The following MACROD2 variants were observed in gnomAD, a reference collection of about 807,000 sequenced individuals.
The protein encoded by MACROD2 is ADP-ribose glycohydrolase MACROD2.
Under a neutral mutation model 70.4 loss-of-function variants are expected in MACROD2, and 36 were observed. The ratio of observed to expected loss-of-function variants is 0.51; its 90% CI spans 0.39 to 0.68. The LOEUF (loss-of-function observed/expected upper bound fraction) is 0.68. Among genes scored for constraint, MACROD2 ranks in the 30% least tolerant of loss-of-function variants. The probability of loss-of-function intolerance (pLI) is 0.00; values close to 1 mark genes in which losing one functional copy is unlikely to be tolerated. For synonymous variants in MACROD2, 172 were observed against 178.8 expected, an observed-to-expected ratio of 0.96 and a Z score of 0.30; for missense variants, 496 against 538.4, an observed-to-expected ratio of 0.92 and a Z score of 0.78.
chr20:15,566,822 C>A (rs988420599), intron 8 of MACROD2, among the ~76,000 whole-genome samples: 16 of 152,178 alleles, frequency 1.1e-4, no homozygotes, highest in Non-Finnish European at 2.2e-4. Context: ...CCAAGTAGTT[C>A]TTTTCCAATT....
At chr20:14,950,119 C>T (rs1006117390) in intron 5 of MACROD2, among the ~76,000 whole-genome samples, 7 of 152,108 alleles carry the variant, frequency 4.6e-5, no homozygotes, top group Non-Finnish European at 5.9e-5. Context: ...GTTTTAACTT[C>T]TGAAAAATCT....
intron 5 of MACROD2, among the ~76,000 whole-genome samples, chr20:14,705,482 C>T (rs2071258352): frequency 6.6e-6 from 1 of 152,132 alleles, no homozygotes; most frequent in Non-Finnish European, 1.5e-5. Context: ...TGGATGCCAG[C>T]CATCTCTTCT....
At chr20:15,357,481 A>T (rs1379673659) in intron 6 of MACROD2, among the ~76,000 whole-genome samples, 1 of 152,074 alleles carries the variant, frequency 6.6e-6, no homozygotes, top group East Asian at 1.9e-4. Context: ...CAATTTTTAA[A>T]TTTTTCTTCA....
At chr20:15,114,328 G>C (rs1291291255) in intron 5 of MACROD2, among the ~76,000 whole-genome samples, 1 of 152,194 alleles carries the variant, frequency 6.6e-6, no homozygotes, top group East Asian at 1.9e-4. Flanking sequence ...TCATGGGATA[G>C]TCACTCTTGA....
chr20:15,656,233 G>C (rs2049728447), intron 8 of MACROD2, among the ~76,000 whole-genome samples: 1 of 152,176 alleles, frequency 6.6e-6, no homozygotes, highest in Admixed American at 6.5e-5. Flanking sequence ...GAGGCAGAAT[G>C]CTTCTCCTTT....
Position 16,049,905 on chromosome 20 carries a change from G to C in MACROD2, c.*29G>C. 4 of 1,600,940 alleles carry C rather than the reference G, an allele frequency of 2.5e-6. No individual in the cohort carries two copies. The highest frequency in any genetic ancestry group is 1.7e-6 in the Non-Finnish European group (2 of 1,172,164). ...TCCTCAGCATCGCAAGGCCTCTCCT[G>C]GCTCTGGGGGAGCTCGGGAAGATAG... On this transcript the variant is annotated 3_prime_UTR_variant, in exon 18 of 18. Coordinates refer to ENST00000684519, the MANE Select transcript of MACROD2 (RefSeq NM_001351661.2).
intron 8 of MACROD2, among the ~76,000 whole-genome samples, chr20:15,834,164 CG>C (rs1787807418): frequency 6.6e-6 from 1 of 152,086 alleles, no homozygotes; most frequent in South Asian, 2.1e-4. Context: ...CAGAATTACT[CG>C]TTGTTATTTA....
intron 6 of MACROD2, among the ~76,000 whole-genome samples, chr20:15,346,637 G>A (rs561715757): frequency 1.3e-5 from 2 of 152,094 alleles, no homozygotes; most frequent in South Asian, 2.1e-4. Context: ...TTCTCTTTGT[G>A]TTTTTAGCAA....
intron 4 of MACROD2, among the ~76,000 whole-genome samples, chr20:14,555,304 A>G (rs1181322690): frequency 1.3e-5 from 2 of 152,066 alleles, no homozygotes; most frequent in African/African-American, 2.4e-5. Context: ...CCCAAATTCT[A>G]GTAGTAGAAT....
At chr20:15,448,765 AAGTTAG>A (rs1600425775) in intron 7 of MACROD2, among the ~76,000 whole-genome samples, 1 of 152,162 alleles carries the variant, frequency 6.6e-6, no homozygotes. Context: ...AACAACATGT[AAGTTAG>A]AGTTCTTATA....
At chr20:14,297,060 T>C (rs2082433469) in intron 3 of MACROD2, among the ~76,000 whole-genome samples, 2 of 151,838 alleles carry the variant, frequency 1.3e-5, no homozygotes, top group Admixed American at 6.6e-5. Flanking sequence ...AATGTTACTA[T>C]TGTAACTGTT....
intron 3 of MACROD2, among the ~76,000 whole-genome samples, chr20:14,129,037 CAAGGA>C (rs746332835): frequency 2.0e-5 from 3 of 152,094 alleles, no homozygotes; most frequent in Non-Finnish European, 4.4e-5. Flanking sequence ...GCCCATGCAC[CAAGGA>C]ATAATTTCAA....
chr20:15,743,516 G>A (rs2051135820), intron 8 of MACROD2, among the ~76,000 whole-genome samples: 1 of 152,076 alleles, frequency 6.6e-6, no homozygotes, highest in South Asian at 2.1e-4. Flanking sequence ...AATCCCACTT[G>A]ACTTCATCCT....
rs560048365 is a variant in MACROD2, at chr20:14,287,863, CAT to C, written c.271+202136_271+202137del. On this transcript the variant is annotated intron_variant, in intron 3 of 17. Coordinates refer to ENST00000684519, the MANE Select transcript of MACROD2 (RefSeq NM_001351661.2). ...TTAGAGATCACCCTCAGTTCCTTGA[CAT>C]GTGGCATTTTCCAGCATGGCTGCTT... Among the ~76,000 whole-genome samples, 24 of 152,268 alleles carry C rather than the reference CAT, an allele frequency of 1.6e-4. No homozygotes were observed. In the South Asian group the frequency reaches 5.0e-3, roughly 32 times the overall value.
intron 5 of MACROD2, among the ~76,000 whole-genome samples, chr20:14,910,338 A>G (rs2074011535): frequency 6.6e-6 from 1 of 152,202 alleles, no homozygotes; most frequent in African/African-American, 2.4e-5. Flanking sequence ...GCAGAATTAC[A>G]GTGTGTTATA....
intron 3 of MACROD2, among the ~76,000 whole-genome samples, chr20:14,403,797 T>C (rs2083663052): frequency 6.6e-6 from 1 of 152,150 alleles, no homozygotes; most frequent in East Asian, 1.9e-4. Context: ...AAAGGAAGCC[T>C]ATTAACCAGA....
chr20:15,884,575 A>G (rs2064798630), intron 9 of MACROD2, among the ~76,000 whole-genome samples: 1 of 152,050 alleles, frequency 6.6e-6, no homozygotes, highest in South Asian at 2.1e-4. Context: ...AGTCACGTGT[A>G]AAAGGAGTGA....
At chr20:15,284,917 C>T (rs1410193221) in intron 6 of MACROD2, among the ~76,000 whole-genome samples, 1 of 152,028 alleles carries the variant, frequency 6.6e-6, no homozygotes, top group Non-Finnish European at 1.5e-5. Flanking sequence ...TATTTTGTTG[C>T]TATTTAAATA....
intron 8 of MACROD2, among the ~76,000 whole-genome samples, chr20:15,594,919 A>G (rs543316198): frequency 6.6e-6 from 1 of 152,306 alleles, no homozygotes; most frequent in East Asian, 1.9e-4. Context: ...GTCACTAAAA[A>G]GTCCTTCTTT....
Sources: gnomAD v4.1 joint callset for allele counts (sites outside exome capture counted in the v4.1 genomes callset) on GRCh38, gnomAD v4.1.1 for gene constraint, MANE v1.5 for transcripts, NCBI Gene and HGNC (gene_info 2026-07-23, HGNC 2026-07-21) for gene names.